FAM83D: variants seen among roughly 807,000 people sequenced by gnomAD.
FAM83D encodes the protein scaffolding CK1 anchoring protein D.
FAM83D carries 26 observed loss-of-function variants against 25.4 expected under a neutral mutation model. The ratio of observed to expected loss-of-function variants is 1.02; its 90% CI spans 0.75 to 1.42. FAM83D has a LOEUF of 1.42. Ranked by LOEUF, FAM83D falls within the 40% of genes most tolerant of loss-of-function variation. FAM83D has a pLI of 0.00. For synonymous variants in FAM83D, 310 were observed against 318.5 expected (o/e 0.97, Z 0.28); for missense variants, 740 against 758.1 (o/e 0.98, Z 0.28).
At position 38,947,987 on chromosome 20, in the gene FAM83D, A is replaced by G. The variant is rs1408012325; in HGVS notation, c.763A>G (p.Thr255Ala). The G allele has an allele frequency of 1.9e-6, 3 of 1,614,178 alleles. No homozygotes were observed. The highest frequency in any genetic ancestry group is 1.1e-5 in the South Asian group (1 of 91,078). ...FTLIDGIRVATGSYSFTWTDG... is the reference protein window; with the variant it reads ...FTLIDGIRVAAGSYSFTWTDG... ...GTTGATTGATGGCATCCGCGTGGCAACAGGCTCCTACAGGTAAGTCTCTAA... is the reference window on the plus strand; with the variant it reads ...GTTGATTGATGGCATCCGCGTGGCAGCAGGCTCCTACAGGTAAGTCTCTAA... The change falls in exon 3 of 4, where the codon ACA becomes GCA. Residue 255 changes from threonine (T) to alanine (A), a missense_variant. By Grantham distance (58) the Thr-to-Ala change is moderately conservative. Around this residue, in one of 3 missense-constraint regions of FAM83D, gnomAD observed 375 missense variants for 403.2 expected, o/e 0.93. Transcript: ENST00000619850.
At chr20:38,927,078 C>T (rs989989250) in intron 1 of FAM83D, among the ~76,000 whole-genome samples, 153 bp downstream of exon 1, 1 of 152,206 alleles carries the variant, frequency 6.6e-6, no homozygotes, top group Admixed American at 6.5e-5. Flanking sequence ...CTCCGACTCA[C>T]ACCCCACTCT....
Position 38,951,995 on chromosome 20 carries a change from C to T in FAM83D, c.1233C>T (p.Thr411=), listed in dbSNP as rs941699577. ...GLSVSEVGTQ[T]SITTACAGTQ... ...GTGTGAGTGAGGTGGGAACACAAAC[C>T]AGCATCACCACAGCATGTGCTGGTA... is the stretch of plus-strand genomic sequence containing the variant. The change falls in exon 4 of 4, where the codon ACC becomes ACT. Residue 411 remains threonine (T), a synonymous_variant. Coordinates refer to ENST00000619850, the MANE Select transcript of FAM83D (RefSeq NM_030919.3). 1 of 1,614,186 alleles carries T rather than the reference C, an allele frequency of 6.2e-7. No individual in the cohort carries two copies. Among genetic ancestry groups the T allele is most frequent in the Admixed American group, 1.7e-5 (1 of 60,030 alleles).
Position 38,951,961 on chromosome 20 carries a change from C to T in FAM83D, c.1199C>T (p.Pro400Leu). The T allele has an allele frequency of 1.2e-6, 2 of 1,614,130 alleles. No individual in the cohort carries two copies. The highest frequency in any genetic ancestry group is 1.7e-6 in the Non-Finnish European group (2 of 1,180,014). ...ATQTEPGEEMPGLSVSEVGTQ... is the reference protein window; with the variant it reads ...ATQTEPGEEMLGLSVSEVGTQ... The stretch of plus-strand genomic sequence containing the variant: ...CAAACAGAGCCAGGAGAGGAGATGC[C>T]AGGGCTGAGTGTGAGTGAGGTGGGA... Residue 400 changes from proline to leucine, a missense_variant, in exon 4 of 4, where the codon CCA (proline) becomes CTA (leucine). Around this residue, in one of 3 missense-constraint regions of FAM83D, gnomAD observed 375 missense variants for 403.2 expected, o/e 0.93. Transcript: ENST00000619850.
In FAM83D at chr20:38,926,460, G is replaced by A. The variant is rs1481760469; in HGVS notation, c.18G>A (p.Glu6=). ...GCGCCGCCATGGCTCTGCTGTCCGA[G>A]GGCCTGGACGAGGTGCCCGCCGCCT... MALLS[E]GLDEVPAACL... The change falls in exon 1 of 4, where the codon GAG becomes GAA. Residue 6 remains glutamate (E), a synonymous_variant. Coordinates refer to ENST00000619850, the MANE Select transcript of FAM83D (RefSeq NM_030919.3). 3.1e-6 allele frequency: 5 copies of A among 1,598,438 alleles called. No homozygotes were observed. Among genetic ancestry groups the A allele is most frequent in the Admixed American group, 1.7e-5 (1 of 59,886 alleles).
chr20:38,943,434 G>A (rs2085711893), intron 2 of FAM83D, among the ~76,000 whole-genome samples: 1 of 152,178 alleles, frequency 6.6e-6, no homozygotes, highest in Admixed American at 6.5e-5. Flanking sequence ...GAATCCAAGT[G>A]TCCACCACTT....
In FAM83D at chr20:38,927,358, A is replaced by G. The variant is rs976110797; in HGVS notation, c.483+433A>G. 3.3e-5 allele frequency among the ~76,000 whole-genome samples: 5 copies of G among 152,236 alleles called. No individual in the cohort carries two copies. In the South Asian group the frequency reaches 1.0e-3, roughly 32 times the overall value. On this transcript the variant is annotated intron_variant, in intron 1 of 3. Coordinates refer to ENST00000619850, the MANE Select transcript of FAM83D (RefSeq NM_030919.3). ...AAAGAACTTACGCAGGGAAAGTTCCAGAAAGATGGTCTCCAGAGACAACTA... is the reference window on the plus strand; with the variant it reads ...AAAGAACTTACGCAGGGAAAGTTCCGGAAAGATGGTCTCCAGAGACAACTA...
chr20:38,939,239 C>T (rs1378419464), intron 1 of FAM83D, among the ~76,000 whole-genome samples: 1 of 152,240 alleles, frequency 6.6e-6, no homozygotes, highest in Non-Finnish European at 1.5e-5. Flanking sequence ...TGCTTCAGCT[C>T]AAATGCCATC....
At chr20:38,942,681 G>A (rs529798859) in intron 2 of FAM83D, among the ~76,000 whole-genome samples, 1 of 152,298 alleles carries the variant, frequency 6.6e-6, no homozygotes, top group African/African-American at 2.4e-5. Context: ...CTTTATTTTA[G>A]CACTTTCTTT....
At position 38,952,659 on chromosome 20, in the gene FAM83D, G is replaced by T; in HGVS notation, c.*139G>T. On this transcript the variant is annotated 3_prime_UTR_variant, in exon 4 of 4. Transcript: ENST00000619850. ...ACCTTTGTTGTCTTTGAATTCTTTA[G>T]GCTGCATATTATTTTACATGCTTTG... 1 of 965,758 alleles carries T rather than the reference G, an allele frequency of 1.0e-6. No homozygotes were observed. Among genetic ancestry groups the T allele is most frequent in the Non-Finnish European group, 1.5e-6 (1 of 647,184 alleles). 59.8% of individuals were successfully genotyped at this position (965,758 alleles called of 1,614,324 possible).
intron 1 of FAM83D, among the ~76,000 whole-genome samples, chr20:38,936,631 CT>C (rs200321907): frequency 0.013 from 2,043 of 152,210 alleles, 13 homozygotes; most frequent in Non-Finnish European, 0.022. Context: ...GAGTATAGTA[CT>C]TTTTTTAGAT....
chr20:38,927,274 CCTGT>C lies in FAM83D; in HGVS notation c.483+355_483+358del, dbSNP rs1336060850. 3.3e-5 allele frequency among the ~76,000 whole-genome samples: 5 copies of C among 152,274 alleles called. No individual in the cohort carries two copies. The South Asian group carries it at 6.2e-4, about 19-fold the overall frequency. On this transcript the variant is annotated intron_variant, in intron 1 of 3. Coordinates refer to ENST00000619850, the MANE Select transcript of FAM83D (RefSeq NM_030919.3). ...TCAAACTTGGAAAATTGCCTATTTC[CCTGT>C]CTGTCAGCCAACGCTAGATCCCACT...
Position 38,926,429 on chromosome 20 carries a change from G to A in FAM83D, c.-14G>A, listed in dbSNP as rs768396194. The A allele has an allele frequency of 6.3e-7, 1 of 1,597,808 alleles. No homozygotes were observed. Among genetic ancestry groups the A allele is most frequent in the East Asian group, 2.2e-5 (1 of 44,640 alleles). On this transcript the variant is annotated 5_prime_UTR_variant, in exon 1 of 4. Coordinates refer to ENST00000619850, the MANE Select transcript of FAM83D (RefSeq NM_030919.3). Reference sequence around the variant, plus strand: ...CCGGTTTTTGTCCGAGGGCTGTCGAGTCCGAGCGCCGCCATGGCTCTGCTG... The same window carrying A: ...CCGGTTTTTGTCCGAGGGCTGTCGAATCCGAGCGCCGCCATGGCTCTGCTG...
At chr20:38,927,498 C>CTTTTTTTTTTTTTTT (rs1173092369) in intron 1 of FAM83D, among the ~76,000 whole-genome samples, 4 of 101,410 alleles carry the variant, frequency 3.9e-5, no homozygotes, top group Non-Finnish European at 5.8e-5. Flanking sequence ...TCTTTCTTGT[C>CTTTTTTTTTTTTTTT]TTTTTTTTTT....
Position 38,926,615 on chromosome 20 carries a change from G to A in FAM83D, c.173G>A (p.Arg58His). 1 of 1,541,788 alleles carries A rather than the reference G, an allele frequency of 6.5e-7. No homozygotes were observed. Among genetic ancestry groups the A allele is most frequent in the African/African-American group, 1.4e-5 (1 of 73,232 alleles). ...TTCCTGCGACGCGAGCGCCTGGCTC[G>A]TTTCCTGAACCCCGATGAGGTGCAC... The part of the protein sequence containing the change: ...AAFLRRERLA[R>H]FLNPDEVHAI... The change falls in exon 1 of 4, where the codon CGT becomes CAT. Residue 58 changes from arginine (R) to histidine (H), a missense_variant. By Grantham distance (29) the Arg-to-His change is conservative. Coordinates refer to ENST00000619850, the MANE Select transcript of FAM83D (RefSeq NM_030919.3).
chr20:38,938,727 C>T (rs999262198), intron 1 of FAM83D, among the ~76,000 whole-genome samples: 9 of 152,176 alleles, frequency 5.9e-5, no homozygotes, highest in African/African-American at 1.4e-4. Flanking sequence ...GCCCACTGCT[C>T]GGCTCTCCCA....
chr20:38,951,607 A>G lies in FAM83D; in HGVS notation c.845A>G (p.His282Arg). 1.9e-6 allele frequency: 3 copies of G among 1,614,216 alleles called. No individual in the cohort carries two copies. Among genetic ancestry groups the G allele is most frequent in the Admixed American group, 1.7e-5 (1 of 60,022 alleles). The change falls in exon 4 of 4, where the codon CAC (histidine) becomes CGC (arginine). Residue 282 changes from histidine to arginine, a missense_variant. Transcript: ENST00000619850. ...LVILSGQVVE[H>R]FDLEFRILYA... is the part of the protein sequence containing the mutation. ...ATTCTGTCTGGCCAAGTGGTTGAACACTTTGATCTGGAGTTCCGAATCCTG... is the reference window on the plus strand; with the variant it reads ...ATTCTGTCTGGCCAAGTGGTTGAACGCTTTGATCTGGAGTTCCGAATCCTG...
In FAM83D at chr20:38,951,718, C is replaced by T. The variant is rs2085754963; in HGVS notation, c.956C>T (p.Pro319Leu). Reference protein sequence around the residue: ...NKFDHLTNRKPQSKELTLGNL... With the variant: ...NKFDHLTNRKLQSKELTLGNL... Reference sequence around the variant, plus strand: ...TTTGATCACCTCACCAACCGAAAACCACAGTCCAAGGAGCTCACCCTGGGC... The same window carrying T: ...TTTGATCACCTCACCAACCGAAAACTACAGTCCAAGGAGCTCACCCTGGGC... The change falls in exon 4 of 4, where the codon CCA (proline) becomes CTA (leucine). Residue 319 changes from proline (P) to leucine (L), a missense_variant. This residue lies in a region of FAM83D where 375 missense variants were observed against 403.2 expected (regional missense o/e 0.93). Coordinates refer to ENST00000619850, the MANE Select transcript of FAM83D (RefSeq NM_030919.3). The T allele has an allele frequency of 6.2e-7, 1 of 1,614,058 alleles. No homozygotes were observed.
intron 2 of FAM83D, among the ~76,000 whole-genome samples, chr20:38,944,928 G>C (rs2085720435): frequency 6.8e-6 from 1 of 147,382 alleles, no homozygotes; most frequent in Admixed American, 6.8e-5. Flanking sequence ...AACAGAGAGA[G>C]ACTCTGTCTC....
In FAM83D at chr20:38,926,467, G is replaced by T. The variant is rs1439723681; in HGVS notation, c.25G>T (p.Asp9Tyr). The T allele has an allele frequency of 6.3e-6, 10 of 1,597,846 alleles. No homozygotes were observed. Among genetic ancestry groups the T allele is most frequent in the Non-Finnish European group, 7.6e-6 (9 of 1,178,664 alleles). The change falls in exon 1 of 4, where the codon GAC becomes TAC. Residue 9 changes from aspartate (D) to tyrosine (Y), a missense_variant. This residue lies in a region of FAM83D where 333 missense variants were observed against 298.6 expected (regional missense o/e 1.12). Coordinates refer to ENST00000619850, the MANE Select transcript of FAM83D (RefSeq NM_030919.3). ...CATGGCTCTGCTGTCCGAGGGCCTG[G>T]ACGAGGTGCCCGCCGCCTGCCTGTC... MALLSEGL[D>Y]EVPAACLSPC...
Sources: allele counts gnomAD v4.1 joint callset (sites outside exome capture counted in the v4.1 genomes callset), GRCh38; gene constraint gnomAD v4.1.1; regional missense constraint gnomAD v4.1.1; transcripts MANE v1.5; gene names NCBI Gene and HGNC (gene_info 2026-07-23, HGNC 2026-07-21).